TNIP2: variants seen among roughly 807,000 people sequenced by gnomAD.
TNIP2 encodes TNFAIP3 interacting protein 2.
TNIP2 carries 30 observed loss-of-function variants against 43.7 expected under a neutral mutation model. The observed-to-expected ratio is 0.69, with a 90% CI of 0.51 to 0.93. The LOEUF is 0.93. TNIP2 is among the 40% of genes least tolerant of loss of function. The pLI, the probability that TNIP2 is intolerant of heterozygous loss-of-function variation, is 0.00. For synonymous variants in TNIP2, 260 were observed against 254.6 expected (o/e 1.02, Z -0.20); for missense variants, 599 against 591.0 (o/e 1.01, Z -0.14).
intron 1 of TNIP2, among the ~76,000 whole-genome samples, chr4:2,754,275 C>T (rs1334781695): frequency 6.6e-6 from 1 of 152,198 alleles, no homozygotes; most frequent in Non-Finnish European, 1.5e-5. Flanking sequence ...CCAGAGCTCA[C>T]CCGAATGTTT....
chr4:2,745,346 G>A (rs1650901934), intron 3 of TNIP2, 100 bp downstream of exon 3: 1 of 910,946 alleles, frequency 1.1e-6, no homozygotes, highest in Admixed American at 2.0e-5. Context: ...CTAGTGGCCA[G>A]AGGGCGGGGG....
chr4:2,751,011 C>T (rs929326232), intron 1 of TNIP2, among the ~76,000 whole-genome samples: 2 of 152,198 alleles, frequency 1.3e-5, no homozygotes, highest in Admixed American at 6.5e-5. Flanking sequence ...CAGATCAGGA[C>T]GCAGGCTCTA....
intron 1 of TNIP2, among the ~76,000 whole-genome samples, chr4:2,754,096 A>T (rs571107916): frequency 1.8e-4 from 27 of 152,116 alleles, no homozygotes; most frequent in African/African-American, 6.3e-4. Context: ...TTGTTTTATA[A>T]TTTTTTTTCT....
intron 1 of TNIP2, among the ~76,000 whole-genome samples, chr4:2,753,940 G>A (rs1560649300): frequency 6.6e-6 from 1 of 152,170 alleles, no homozygotes; most frequent in Non-Finnish European, 1.5e-5. Context: ...TGTATACACA[G>A]CATGAAAACA....
chr4:2,747,801 C>G lies in TNIP2; in HGVS notation c.421G>C (p.Asp141His). 2 of 1,612,918 alleles carry G rather than the reference C, an allele frequency of 1.2e-6. No individual in the cohort carries two copies. Among genetic ancestry groups the G allele is most frequent in the Non-Finnish European group, 1.7e-6 (2 of 1,180,044 alleles). Residue 141 changes from aspartate (D) to histidine (H), a missense_variant, in exon 2 of 6, where the codon GAC becomes CAC. Transcript: ENST00000315423. ...TTGGCCAAGGAGCGGCACAGGACGT[C>G]ACTGGCGGCCCGGGCGCGCTCCCCT... is the stretch of plus-strand genomic sequence containing the variant. The part of the protein sequence containing the change: ...AEGERARAAS[D>H]VLCRSLANET...
chr4:2,743,658 G>A (rs888892908), intron 5 of TNIP2, among the ~76,000 whole-genome samples: 1 of 152,174 alleles, frequency 6.6e-6, no homozygotes, highest in African/African-American at 2.4e-5. Flanking sequence ...GCTCCAGCCC[G>A]GGACGCATCG....
chr4:2,752,794 A>C (rs1461509581), intron 1 of TNIP2, among the ~76,000 whole-genome samples: 1 of 152,194 alleles, frequency 6.6e-6, no homozygotes, highest in African/African-American at 2.4e-5. Context: ...CTGTAATACC[A>C]GCACTTTGAG....
intron 1 of TNIP2, among the ~76,000 whole-genome samples, chr4:2,754,669 C>T (rs994100684): frequency 1.3e-5 from 2 of 152,236 alleles, no homozygotes; most frequent in Non-Finnish European, 2.9e-5. Flanking sequence ...GCCGCCTTGG[C>T]CTCCCAAAGT....
At chr4:2,748,545 T>C (rs1269737410) in intron 1 of TNIP2, among the ~76,000 whole-genome samples, 2 of 152,110 alleles carry the variant, frequency 1.3e-5, no homozygotes, top group African/African-American at 4.8e-5. Context: ...GGTTTCACCA[T>C]GTTAGCCAGG....
At chr4:2,751,058 G>A (rs1722090026) in intron 1 of TNIP2, among the ~76,000 whole-genome samples, 1 of 152,232 alleles carries the variant, frequency 6.6e-6, no homozygotes, top group African/African-American at 2.4e-5. Context: ...CCTGCAAAGG[G>A]CTGCCCCACT....
intron 2 of TNIP2, 73 bp downstream of exon 2, chr4:2,747,582 T>G: frequency 6.7e-7 from 1 of 1,503,500 alleles, no homozygotes; most frequent in East Asian, 2.3e-5. Flanking sequence ...CCCACCTCTG[T>G]GATCAGGGGC....
At chr4:2,754,715 C>A (rs1722186134) in intron 1 of TNIP2, among the ~76,000 whole-genome samples, 1 of 151,868 alleles carries the variant, frequency 6.6e-6, no homozygotes, top group African/African-American at 2.4e-5. Flanking sequence ...GCGTCCGGAC[C>A]CTTGTGTCCA....
chr4:2,745,421 C>T, intron 3 of TNIP2, 25 bp downstream of exon 3: 1 of 1,570,502 alleles, frequency 6.4e-7, no homozygotes, highest in Non-Finnish European at 8.7e-7. Flanking sequence ...GTGTTCTTCT[C>T]AAACGAAATG....
intron 3 of TNIP2, 101 bp from the exon 4 acceptor site, chr4:2,745,046 G>C: frequency 7.0e-7 from 1 of 1,437,870 alleles, no homozygotes; most frequent in South Asian, 1.4e-5. Context: ...TTCGCTGAGT[G>C]AGAGTTTCCT....
In TNIP2 at chr4:2,756,231, AGCGCGGCAGCTGCGCGCGGG is replaced by A. The variant is rs1423596895; in HGVS notation, c.39_58del (p.Pro14LeufsTer75). 6.9e-7 allele frequency: 1 copy of A among 1,459,406 alleles called. No individual in the cohort carries two copies. The highest frequency in any genetic ancestry group is 9.0e-7 in the Non-Finnish European group (1 of 1,112,416). 90.4% of individuals were successfully genotyped at this position (1,459,406 alleles called of 1,614,324 possible). A position where few individuals can be genotyped will look rare whatever the true frequency, so the allele number is the denominator to read the frequency against. ...TCCGGCCTCGTGGTACAGGGTGCAGAGCGCGGCAGCTGCGCGCGGGGCCTCCTCCCAGCCGCCCGACCCCG... is the reference window on the plus strand; with the variant it reads ...TCCGGCCTCGTGGTACAGGGTGCAGAGCCTCCTCCCAGCCGCCCGACCCCG... On this transcript the variant is annotated frameshift_variant, in exon 1 of 6. Transcript: ENST00000315423. LOFTEE classifies it high-confidence loss of function.
Position 2,744,599 on chromosome 4 carries a change from G to C in TNIP2, c.907-93C>G. The C allele has an allele frequency of 1.3e-6, 2 of 1,595,998 alleles. No homozygotes were observed. Among genetic ancestry groups the C allele is most frequent in the Non-Finnish European group, 1.7e-6 (2 of 1,172,686 alleles). ...CCCCACAGTGACCACTGCCCACTCA[G>C]TGCCACCAAGCCTTCAGCCCAGCCT... On this transcript the variant is annotated intron_variant, in intron 4 of 5. Transcript: ENST00000315423. The surrounding 1 kb of genome is among the most constrained non-coding windows in gnomAD (Gnocchi z 5.1).
chr4:2,749,161 G>T (rs896826225), intron 1 of TNIP2, among the ~76,000 whole-genome samples: 8 of 152,030 alleles, frequency 5.3e-5, no homozygotes, highest in African/African-American at 1.9e-4. Flanking sequence ...TGAGATGAGG[G>T]TTTCGCTATA....
rs189819843 is a variant in TNIP2, at chr4:2,741,833, G to C, written c.*424C>G. 6.0e-4 allele frequency: 98 copies of C among 163,234 alleles called. 1 individual carries two copies. In the Middle Eastern group the frequency reaches 8.6e-3, roughly 14 times the overall value. 10.1% of individuals were successfully genotyped at this position (163,234 alleles called of 1,614,324 possible). A position where few individuals can be genotyped will look rare whatever the true frequency, so the allele number is the denominator to read the frequency against. Reference sequence around the variant, plus strand: ...GACGTGCAGCCGCAATACTCCATTTGACTGGTTCGAGGCAGAGAGGCGACG... The same window carrying C: ...GACGTGCAGCCGCAATACTCCATTTCACTGGTTCGAGGCAGAGAGGCGACG... On this transcript the variant is annotated 3_prime_UTR_variant, in exon 6 of 6. Coordinates refer to ENST00000315423, the MANE Select transcript of TNIP2 (RefSeq NM_024309.4).
intron 1 of TNIP2, among the ~76,000 whole-genome samples, chr4:2,755,787 C>A (rs1416204703): frequency 2.1e-5 from 3 of 141,102 alleles, no homozygotes; most frequent in Non-Finnish European, 4.7e-5. Context: ...GATGCTCCCC[C>A]AACCCCTCAG....
Sources: gnomAD v4.1 joint callset for allele counts (sites outside exome capture counted in the v4.1 genomes callset) on GRCh38, gnomAD v4.1.1 for gene constraint, Gnocchi (gnomAD v3.1) non-coding constraint, MANE v1.5 for transcripts, NCBI Gene and HGNC (gene_info 2026-07-23, HGNC 2026-07-21) for gene names.